MICU1: variants seen among roughly 807,000 people sequenced by gnomAD.
MICU1 encodes mitochondrial calcium uptake 1.
Under a neutral mutation model 56.8 loss-of-function variants are expected in MICU1, and 45 were observed. The ratio of observed to expected loss-of-function variants is 0.79; its 90% CI spans 0.62 to 1.02. The LOEUF is 1.02. Ranked by LOEUF, MICU1 falls within the 50% of genes least tolerant of loss-of-function variation. The probability of loss-of-function intolerance (pLI) is 0.00; values close to 1 mark genes in which losing one functional copy is unlikely to be tolerated. For missense variants in MICU1, 504 were observed against 587.1 expected, an observed-to-expected ratio of 0.86 and a Z score of 1.46; for synonymous variants, 186 against 195.1, an observed-to-expected ratio of 0.95 and a Z score of 0.39.
intron 1 of MICU1, among the ~76,000 whole-genome samples, chr10:72,580,321 A>G (rs1840863516): frequency 6.6e-6 from 1 of 151,920 alleles, no homozygotes; most frequent in Non-Finnish European, 1.5e-5. Context: ...TTATTAAACA[A>G]CCCCACCCCA....
At chr10:72,619,844 G>T (rs3000966) in intron 1 of MICU1, among the ~76,000 whole-genome samples, 88,239 of 151,342 alleles carry the variant, frequency 0.58, 26,946 homozygotes, top group Non-Finnish European at 0.67. Flanking sequence ...AAATAGCCAT[G>T]TAAAGGCATA....
At chr10:72,459,263 G>A (rs141430971) in intron 8 of MICU1, among the ~76,000 whole-genome samples, 4,245 of 151,832 alleles carry the variant, frequency 0.028, 76 homozygotes, top group Non-Finnish European at 0.045. Flanking sequence ...CCCAGGAGGC[G>A]GAGGTTGCAG....
intron 8 of MICU1, among the ~76,000 whole-genome samples, chr10:72,451,519 G>A (rs998309285): frequency 6.6e-6 from 1 of 152,178 alleles, no homozygotes; most frequent in Non-Finnish European, 1.5e-5. Context: ...TGAAGAACTA[G>A]ATGTAACACA....
chr10:72,542,822 C>T (rs1171100062), intron 4 of MICU1, among the ~76,000 whole-genome samples: 5 of 152,122 alleles, frequency 3.3e-5, no homozygotes, highest in Middle Eastern at 3.4e-3. Context: ...TGAGGTCGCA[C>T]GAACAAATTG....
At position 72,401,382 on chromosome 10, in the gene MICU1, G is replaced by A. The variant is rs188966841; in HGVS notation, c.1180+6547C>T. The stretch of plus-strand genomic sequence containing the variant: ...ACTTCCATCACTTCAGGCCAGGTGC[G>A]GTGGCTCACGCCTGTAATCCTAGCA... On this transcript the variant is annotated intron_variant, in intron 10 of 11. Coordinates refer to ENST00000361114, the MANE Select transcript of MICU1 (RefSeq NM_001195518.2). Among the ~76,000 whole-genome samples, 10 of 152,240 alleles carry A rather than the reference G, an allele frequency of 6.6e-5. No homozygotes were observed. The East Asian group carries it at 1.5e-3, about 24-fold the overall frequency.
intron 8 of MICU1, among the ~76,000 whole-genome samples, chr10:72,445,055 T>C (rs1212112464): frequency 6.6e-6 from 1 of 152,204 alleles, no homozygotes; most frequent in African/African-American, 2.4e-5. Flanking sequence ...CATTTGCTCC[T>C]TTGCCTGAGT....
chr10:72,526,932 C>CAAAAAA (rs57033966), intron 5 of MICU1, among the ~76,000 whole-genome samples: 14 of 127,610 alleles, frequency 1.1e-4, no homozygotes, highest in East Asian at 4.3e-4. Context: ...GTAATGGCTT[C>CAAAAAA]AAAAAAAAAA....
chr10:72,607,610 C>T (rs1029067311), intron 1 of MICU1, among the ~76,000 whole-genome samples: 4 of 147,362 alleles, frequency 2.7e-5, no homozygotes, highest in Non-Finnish European at 5.9e-5. Flanking sequence ...GCACTCCAAC[C>T]TGGGCAACAA....
intron 1 of MICU1, among the ~76,000 whole-genome samples, chr10:72,601,430 A>T (rs1428538255): frequency 7.2e-5 from 10 of 139,670 alleles, no homozygotes; most frequent in Non-Finnish European, 1.3e-4. Context: ...CCTGTCTTTA[A>T]AAAAAAAAAA....
chr10:72,608,818 C>G (rs1841762573), intron 1 of MICU1, among the ~76,000 whole-genome samples: 1 of 152,160 alleles, frequency 6.6e-6, no homozygotes, highest in Non-Finnish European at 1.5e-5. Context: ...ACCACAGGCA[C>G]CCAACTGTTC....
chr10:72,459,231 T>C (rs1190271708), intron 8 of MICU1, among the ~76,000 whole-genome samples: 1 of 152,102 alleles, frequency 6.6e-6, no homozygotes, highest in Non-Finnish European at 1.5e-5. Flanking sequence ...CTTGGGAGGC[T>C]GAGGCAGGAG....
chr10:72,480,255 GAC>G, intron 6 of MICU1, among the ~76,000 whole-genome samples: 1 of 152,342 alleles, frequency 6.6e-6, no homozygotes, highest in East Asian at 1.9e-4. Flanking sequence ...ATGACAGCAT[GAC>G]TGGCTTAGAC....
chr10:72,618,116 G>A (rs1285096347), intron 1 of MICU1, among the ~76,000 whole-genome samples: 2 of 149,598 alleles, frequency 1.3e-5, no homozygotes, highest in Admixed American at 6.7e-5. Flanking sequence ...GCAGTGAGCC[G>A]AGATCATGCC....
chr10:72,570,793 T>C (rs1309662491), intron 1 of MICU1, among the ~76,000 whole-genome samples: 3 of 152,176 alleles, frequency 2.0e-5, no homozygotes, highest in East Asian at 1.9e-4. Context: ...TCTCATTTTA[T>C]TGCACATACT....
At chr10:72,380,004 A>C (rs907749091) in intron 10 of MICU1, among the ~76,000 whole-genome samples, 1 of 152,164 alleles carries the variant, frequency 6.6e-6, no homozygotes, top group African/African-American at 2.4e-5. Flanking sequence ...GAGTGGGATG[A>C]CGGCAGATTA....
chr10:72,578,073 T>C (rs1161478078), intron 1 of MICU1, among the ~76,000 whole-genome samples: 1 of 152,148 alleles, frequency 6.6e-6, no homozygotes, highest in Non-Finnish European at 1.5e-5. Flanking sequence ...AGAAATCTTT[T>C]GTGAAAGAAA....
chr10:72,561,764 T>A (rs1199679222), intron 3 of MICU1, among the ~76,000 whole-genome samples: 1 of 152,152 alleles, frequency 6.6e-6, no homozygotes, highest in Admixed American at 6.5e-5. Flanking sequence ...TGAGCCAAGA[T>A]CATGCCATTG....
intron 8 of MICU1, among the ~76,000 whole-genome samples, chr10:72,456,164 G>A (rs1276740194): frequency 6.6e-6 from 1 of 152,200 alleles, no homozygotes; most frequent in Non-Finnish European, 1.5e-5. Context: ...CCACTGGGTA[G>A]CAAGATAAAC....
At chr10:72,408,172 G>A (rs1685391942) in intron 9 of MICU1, 135 bp from the exon 10 acceptor site, 2 of 580,300 alleles carry the variant, frequency 3.4e-6, no homozygotes, top group Admixed American at 3.4e-5. Flanking sequence ...CATTAGTCAA[G>A]GAATATCAAA....
Sources: gnomAD v4.1 joint callset for allele counts (sites outside exome capture counted in the v4.1 genomes callset) on GRCh38, gnomAD v4.1.1 for gene constraint, MANE v1.5 for transcripts, NCBI Gene and HGNC (gene_info 2026-07-23, HGNC 2026-07-21) for gene names.